Variants in IL1RAPL2 observed in about 807,000 individuals in gnomAD.
IL1RAPL2 encodes X-linked interleukin-1 receptor accessory protein-like 2.
A neutral mutation model predicts 44.1 loss-of-function variants in IL1RAPL2; 3 were observed. The observed-to-expected ratio is 0.07, with a 90% CI of 0.03 to 0.18. IL1RAPL2 has a LOEUF of 0.18. Ranked by LOEUF, IL1RAPL2 falls within the 10% of genes least tolerant of loss-of-function variation. The pLI is 1.00. For missense variants in IL1RAPL2, 391 were observed against 496.4 expected, an observed-to-expected ratio of 0.79 and a Z score of 2.02; for synonymous variants, 181 against 178.8, an observed-to-expected ratio of 1.01 and a Z score of -0.10.
chrX:105,755,147 A>G (rs374997173), intron 9 of IL1RAPL2, 30 bp from the exon 10 acceptor site: 136 of 1,073,298 alleles, frequency 1.3e-4, no homozygotes, highest in Non-Finnish European at 1.7e-4. Flanking sequence ...GTTAATAGTT[A>G]CAACCCTTTT....
At chrX:105,630,575 C>T (rs1032886739) in intron 6 of IL1RAPL2, among the ~76,000 whole-genome samples, 2 of 104,420 alleles carry the variant, frequency 1.9e-5, no homozygotes, top group African/African-American at 7.2e-5. Context: ...CAGTGAAAGG[C>T]GCTAGGGAGA....
intron 6 of IL1RAPL2, among the ~76,000 whole-genome samples, chrX:105,638,255 CTTCTT>C (rs1286061548): frequency 3.6e-5 from 4 of 111,176 alleles, no homozygotes; most frequent in African/African-American, 1.3e-4. Context: ...TTTAAAGTTT[CTTCTT>C]TTCTTTTTTT....
At chrX:105,087,247 CTTT>C (rs1220512997) in intron 2 of IL1RAPL2, among the ~76,000 whole-genome samples, 1 of 111,404 alleles carries the variant, frequency 9.0e-6, no homozygotes, top group African/African-American at 3.3e-5. Context: ...CTCTCTGATT[CTTT>C]ATTATAAAAC....
intron 2 of IL1RAPL2, among the ~76,000 whole-genome samples, chrX:104,852,262 A>G (rs1480250430): frequency 8.9e-6 from 1 of 112,415 alleles, no homozygotes; most frequent in Non-Finnish European, 1.9e-5. Flanking sequence ...AAGGTTTTAA[A>G]AGACAGAATG....
intron 2 of IL1RAPL2, among the ~76,000 whole-genome samples, chrX:104,874,989 C>A (rs1465041611): frequency 9.0e-6 from 1 of 111,369 alleles, no homozygotes. Flanking sequence ...AGATCATTTT[C>A]TATGGTGAAT....
At chrX:104,892,184 G>A (rs1171974950) in intron 2 of IL1RAPL2, among the ~76,000 whole-genome samples, 4 of 111,569 alleles carry the variant, frequency 3.6e-5, no homozygotes, top group African/African-American at 1.3e-4. Context: ...ATGTGCTGCT[G>A]GATTCGGTTT....
At position 105,742,238 on chromosome X, in the gene IL1RAPL2, G is replaced by T. The variant is rs371879205; in HGVS notation, c.1048+1547G>T. Among the ~76,000 whole-genome samples the T allele has an allele frequency of 3.6e-5, 4 of 111,430 alleles. No homozygotes were observed. The East Asian group carries it at 8.6e-4, about 24-fold the overall frequency. ...AGCCAGCACTATGATAGGTGCTGGGGAATAGAATGCTGAATAAGATAGACA... is the reference window on the plus strand; with the variant it reads ...AGCCAGCACTATGATAGGTGCTGGGTAATAGAATGCTGAATAAGATAGACA... On this transcript the variant is annotated intron_variant, in intron 8 of 10. Transcript: ENST00000372582.
chrX:104,746,041 G>C (rs1043345769), intron 2 of IL1RAPL2, among the ~76,000 whole-genome samples: 1 of 111,266 alleles, frequency 9.0e-6, no homozygotes, highest in African/African-American at 3.3e-5. Context: ...GTAATGTATC[G>C]ACTTCCAAGT....
chrX:104,567,563 CCAT>C (rs1928062488), intron 1 of IL1RAPL2, among the ~76,000 whole-genome samples: 1 of 112,170 alleles, frequency 8.9e-6, no homozygotes. Context: ...ATATCTGGGG[CCAT>C]CTCTGTGCTC....
chrX:105,727,167 C>T (rs955574316), intron 7 of IL1RAPL2, among the ~76,000 whole-genome samples: 1 of 111,573 alleles, frequency 9.0e-6, no homozygotes, highest in Non-Finnish European at 1.9e-5. Context: ...ACTCAGAATA[C>T]TTCAAGGGAC....
intron 6 of IL1RAPL2, among the ~76,000 whole-genome samples, chrX:105,558,206 T>A (rs1042868538): frequency 9.0e-6 from 1 of 111,634 alleles, no homozygotes; most frequent in Non-Finnish European, 1.9e-5. Flanking sequence ...GTAATGTGAC[T>A]TTTTGTGTCT....
chrX:105,068,113 G>T lies in IL1RAPL2; in HGVS notation c.83-127362G>T, dbSNP rs1026396203. On this transcript the variant is annotated intron_variant, in intron 2 of 10. Transcript: ENST00000372582. ...TAATATCATTAAAATATATGATTGGGTCTTCCTTTTTTGCCTTTTTATAAA... is the reference window on the plus strand; with the variant it reads ...TAATATCATTAAAATATATGATTGGTTCTTCCTTTTTTGCCTTTTTATAAA... 4.5e-5 allele frequency among the ~76,000 whole-genome samples: 5 copies of T among 111,632 alleles called. No individual in the cohort carries two copies. The East Asian group carries it at 1.4e-3, about 31-fold the overall frequency.
In IL1RAPL2 at chrX:105,447,088, TATATATATATATATATATAA is replaced by T. The variant is rs1427693204; in HGVS notation, c.698-37223_698-37204del. Among the ~76,000 whole-genome samples, 116 of 55,785 alleles carry T rather than the reference TATATATATATATATATATAA, an allele frequency of 2.1e-3. 2 individuals carry two copies. Among genetic ancestry groups the T allele is most frequent in the Non-Finnish European group, 2.9e-3 (107 of 36,819 alleles). 48.4% of individuals were successfully genotyped at this position (55,785 alleles called of 115,157 possible). A position where few individuals can be genotyped will look rare whatever the true frequency, so the allele number is the denominator to read the frequency against. On this transcript the variant is annotated intron_variant, in intron 5 of 10. Transcript: ENST00000372582. Reference sequence around the variant, plus strand: ...ATCTGGTTAAAATTATATATATATATATATATATATATATATATAAAAATATATATAAATATAAATATATA... The same window carrying T: ...ATCTGGTTAAAATTATATATATATATAAATATATATAAATATAAATATATA...
intron 6 of IL1RAPL2, among the ~76,000 whole-genome samples, chrX:105,579,381 A>T (rs191764555): frequency 1.8e-5 from 2 of 111,890 alleles, no homozygotes; most frequent in Non-Finnish European, 1.9e-5. Context: ...TTTATATGCA[A>T]TATATAAACA....
At chrX:105,492,841 G>A (rs142348854) in intron 6 of IL1RAPL2, among the ~76,000 whole-genome samples, 92 of 110,587 alleles carry the variant, frequency 8.3e-4, no homozygotes, top group African/African-American at 2.9e-3. Flanking sequence ...GTCTATTCAC[G>A]ATGTTGTGCA....
intron 5 of IL1RAPL2, among the ~76,000 whole-genome samples, chrX:105,425,237 T>C (rs192453187): frequency 2.7e-5 from 3 of 110,952 alleles, no homozygotes; most frequent in African/African-American, 9.8e-5. Context: ...GGTCAACAAC[T>C]CTCTGCACTG....
chrX:104,743,948 T>C (rs890378646), intron 2 of IL1RAPL2, among the ~76,000 whole-genome samples: 1 of 110,247 alleles, frequency 9.1e-6, no homozygotes, highest in African/African-American at 3.3e-5. Context: ...GCAGACAGCT[T>C]TGGTCTCATT....
At chrX:104,851,103 T>C (rs1424242912) in intron 2 of IL1RAPL2, among the ~76,000 whole-genome samples, 3 of 110,962 alleles carry the variant, frequency 2.7e-5, no homozygotes, top group Non-Finnish European at 5.7e-5. Context: ...TTCGATGGCG[T>C]CGACTACCCT....
chrX:105,412,458 A>G (rs2035704524), intron 5 of IL1RAPL2, among the ~76,000 whole-genome samples: 1 of 109,623 alleles, frequency 9.1e-6, no homozygotes, highest in African/African-American at 3.3e-5. Flanking sequence ...GACACATACC[A>G]TACCATCTCA....
Sources: gnomAD v4.1 joint callset for allele counts (sites outside exome capture counted in the v4.1 genomes callset) on GRCh38, gnomAD v4.1.1 for gene constraint, MANE v1.5 for transcripts, NCBI Gene and HGNC (gene_info 2026-07-23, HGNC 2026-07-21) for gene names.